Variants in TNIK observed in about 807,000 individuals in gnomAD.
TNIK encodes the protein TRAF2 and NCK interacting kinase, also known as TRAF2 and NCK-interacting protein kinase.
A neutral mutation model predicts 191.3 loss-of-function variants in TNIK; 49 were observed. That is an observed-to-expected ratio of 0.26 (90% confidence interval 0.20 to 0.32). TNIK has a LOEUF of 0.32. Ranked by LOEUF, TNIK falls within the 10% of genes least tolerant of loss-of-function variation. The pLI, the probability that TNIK is intolerant of heterozygous loss-of-function variation, is 1.00. For synonymous variants in TNIK, 594 were observed against 600.9 expected (o/e 0.99, Z 0.17); for missense variants, 1,155 against 1,702.3 (o/e 0.68, Z 5.66).
At chr3:171,162,339 G>T (rs1189842665) in intron 10 of TNIK, among the ~76,000 whole-genome samples, 1 of 152,148 alleles carries the variant, frequency 6.6e-6, no homozygotes, top group Non-Finnish European at 1.5e-5. Context: ...CAGGAGAATG[G>T]CATGAACCTG....
intron 2 of TNIK, among the ~76,000 whole-genome samples, chr3:171,333,776 G>C (rs1756663664): frequency 6.6e-6 from 1 of 152,178 alleles, no homozygotes; most frequent in Non-Finnish European, 1.5e-5. Flanking sequence ...ATTTTAGCAA[G>C]GCCCCAGATA....
chr3:171,381,292 C>G (rs1717994219), intron 1 of TNIK, among the ~76,000 whole-genome samples: 1 of 152,126 alleles, frequency 6.6e-6, no homozygotes, highest in African/African-American at 2.4e-5. Context: ...TTTGGGAACA[C>G]TAGGTTAAAA....
intron 4 of TNIK, among the ~76,000 whole-genome samples, chr3:171,201,165 C>T (rs912095892): frequency 6.6e-6 from 1 of 152,098 alleles, no homozygotes; most frequent in African/African-American, 2.4e-5. Context: ...TTTGGGAGGC[C>T]GAGGTGGGCA....
chr3:171,297,202 G>A (rs1008004693), intron 2 of TNIK, among the ~76,000 whole-genome samples: 13 of 152,180 alleles, frequency 8.5e-5, no homozygotes, highest in Non-Finnish European at 1.6e-4. Flanking sequence ...AAGACAAGAA[G>A]AGAGGGAATG....
intron 18 of TNIK, among the ~76,000 whole-genome samples, chr3:171,118,144 A>T (rs1234042149): frequency 6.6e-6 from 1 of 151,650 alleles, no homozygotes; most frequent in Non-Finnish European, 1.5e-5. Context: ...CTTATACACC[A>T]ATAACAGACA....
intron 3 of TNIK, among the ~76,000 whole-genome samples, chr3:171,223,707 A>G (rs559056773): frequency 6.6e-6 from 1 of 152,276 alleles, no homozygotes; most frequent in Non-Finnish European, 1.5e-5. Context: ...ATATATAGAA[A>G]GTATTTTAAA....
chr3:171,425,127 T>C (rs1724388525), intron 1 of TNIK, among the ~76,000 whole-genome samples: 1 of 152,216 alleles, frequency 6.6e-6, no homozygotes, highest in Non-Finnish European at 1.5e-5. Context: ...ATTCAATTTA[T>C]GCATGATTAA....
At chr3:171,440,612 C>T (rs991763004) in intron 1 of TNIK, among the ~76,000 whole-genome samples, 2 of 152,146 alleles carry the variant, frequency 1.3e-5, no homozygotes, top group Admixed American at 1.3e-4. Context: ...AGGAGTTTAG[C>T]CTATGCTGTA....
chr3:171,211,146 C>A lies in TNIK; in HGVS notation c.276G>T (p.Lys92Asn), dbSNP rs1268571627. The A allele has an allele frequency of 1.2e-6, 2 of 1,612,880 alleles. No homozygotes were observed. Among genetic ancestry groups the A allele is most frequent in the Non-Finnish European group, 8.5e-7 (1 of 1,179,478 alleles). ...GTTGGTCATCCATGCCTGGTGGGTT[C>A]TTTTTGATAAAAGCACCATAGTATG... The part of the protein sequence containing the change: ...IATYYGAFIK[K>N]NPPGMDDQLW... Residue 92 changes from lysine to asparagine, a missense_variant, in exon 4 of 33, where the codon AAG (lysine) becomes AAT (asparagine). Around this residue, in one of 3 missense-constraint regions of TNIK, gnomAD observed 225 missense variants for 438.9 expected, o/e 0.51. Transcript: ENST00000436636.
intron 14 of TNIK, 32 bp from the exon 15 acceptor site, chr3:171,138,411 AG>A (rs1236847660): frequency 4.7e-6 from 7 of 1,481,414 alleles, no homozygotes; most frequent in East Asian, 2.4e-5. Flanking sequence ...AGCAAAGAAA[AG>A]GCCAAATTAT....
At chr3:171,257,622 G>A (rs1282086135) in intron 2 of TNIK, among the ~76,000 whole-genome samples, 1 of 152,164 alleles carries the variant, frequency 6.6e-6, no homozygotes. Flanking sequence ...AACATGTCAG[G>A]TACTTGAGAA....
intron 28 of TNIK, among the ~76,000 whole-genome samples, chr3:171,074,030 CTTT>C (rs71176590): frequency 6.9e-6 from 1 of 145,294 alleles, no homozygotes; most frequent in African/African-American, 2.5e-5. Context: ...AGGAAAATAA[CTTT>C]TTTTTTTTTT....
In TNIK at chr3:171,059,358, T is replaced by C. The variant is rs1717627958; in HGVS notation, c.*4523A>G. Among the ~76,000 whole-genome samples the C allele has an allele frequency of 6.6e-6, 1 of 152,196 alleles. No homozygotes were observed. The highest frequency in any genetic ancestry group is 1.5e-5 in the Non-Finnish European group (1 of 68,018). The stretch of plus-strand genomic sequence containing the variant: ...GCTTTTATGGGGATTTTTATTTTGG[T>C]ATATTCTGGCACTTCCTGGAATGGC... On this transcript the variant is annotated 3_prime_UTR_variant, in exon 33 of 33. Transcript: ENST00000436636.
intron 2 of TNIK, among the ~76,000 whole-genome samples, chr3:171,267,540 C>T (rs990063390): frequency 2.0e-5 from 3 of 152,188 alleles, no homozygotes; most frequent in South Asian, 2.1e-4. Flanking sequence ...GGGAAATGGA[C>T]GTGAGTTCAA....
At chr3:171,120,090 G>A (rs1017921782) in intron 18 of TNIK, among the ~76,000 whole-genome samples, 4 of 152,094 alleles carry the variant, frequency 2.6e-5, no homozygotes, top group East Asian at 1.9e-4. Context: ...CAAGTTACAG[G>A]TATACCGTTG....
chr3:171,430,463 G>A (rs1725227716), intron 1 of TNIK, among the ~76,000 whole-genome samples: 1 of 151,540 alleles, frequency 6.6e-6, no homozygotes, highest in Non-Finnish European at 1.5e-5. Context: ...AACATAGGGA[G>A]GGTCTGTCTC....
chr3:171,432,499 A>T (rs1205705089), intron 1 of TNIK, among the ~76,000 whole-genome samples: 3 of 152,216 alleles, frequency 2.0e-5, no homozygotes, highest in Non-Finnish European at 4.4e-5. Context: ...CTAAAAAAGT[A>T]ATTTCCATTA....
intron 18 of TNIK, among the ~76,000 whole-genome samples, chr3:171,121,883 C>T (rs1354378375): frequency 1.3e-5 from 2 of 151,998 alleles, no homozygotes; most frequent in African/African-American, 2.4e-5. Flanking sequence ...GGCTTCTTCA[C>T]CCCCCACCCC....
chr3:171,105,080 A>C (rs1241604977), intron 21 of TNIK, among the ~76,000 whole-genome samples: 1 of 149,784 alleles, frequency 6.7e-6, no homozygotes, highest in Non-Finnish European at 1.5e-5. Context: ...CCCCAAATTA[A>C]TTTTTATAAA....
Sources: allele counts gnomAD v4.1 joint callset (sites outside exome capture counted in the v4.1 genomes callset), GRCh38; gene constraint gnomAD v4.1.1; regional missense constraint gnomAD v4.1.1; transcripts MANE v1.5; gene names NCBI Gene and HGNC (gene_info 2026-07-23, HGNC 2026-07-21).